PCDH11X: variants seen among roughly 807,000 people sequenced by gnomAD.
The protein encoded by PCDH11X is protocadherin-11 X-linked.
PCDH11X carries 18 observed loss-of-function variants against 53.3 expected under a neutral mutation model. The ratio of observed to expected loss-of-function variants is 0.34; its 90% CI spans 0.23 to 0.50. The LOEUF is 0.50. Ranked by LOEUF, PCDH11X falls within the 20% of genes least tolerant of loss-of-function variation. The probability of loss-of-function intolerance (pLI) is 0.98; values close to 1 mark genes in which losing one functional copy is unlikely to be tolerated. For synonymous variants in PCDH11X, 279 were observed against 393.3 expected, an observed-to-expected ratio of 0.71 and a Z score of 3.44; for missense variants, 570 against 1,032.4, an observed-to-expected ratio of 0.55 and a Z score of 6.14.
At position 92,487,048 on chromosome X, in the gene PCDH11X, C is replaced by CTTTTTTTTTTTT. The variant is rs758641899; in HGVS notation, c.3367+18737_3367+18748dup. 1.3e-4 allele frequency among the ~76,000 whole-genome samples: 9 copies of CTTTTTTTTTTTT among 67,836 alleles called. 1 individual carries two copies. The highest frequency in any genetic ancestry group is 5.7e-4 in the African/African-American group (9 of 15,878). 58.9% of individuals were successfully genotyped at this position (67,836 alleles called of 115,157 possible). A position where few individuals can be genotyped will look rare whatever the true frequency, so the allele number is the denominator to read the frequency against. ...TTATTATCTCTGAGAAATATGCTTC[C>CTTTTTTTTTTTT]TTTTTTTTTTTTTTTTTTTTTTGAG... On this transcript the variant is annotated intron_variant, in intron 10 of 10. Coordinates refer to ENST00000682573, the MANE Select transcript of PCDH11X (RefSeq NM_032968.5).
chrX:92,476,130 G>A (rs1241979368), intron 10 of PCDH11X, among the ~76,000 whole-genome samples: 2 of 110,254 alleles, frequency 1.8e-5, no homozygotes, highest in African/African-American at 3.3e-5. Context: ...AGATCTGATG[G>A]TTTTATAAAG....
chrX:92,235,282 A>G (rs866741720), intron 7 of PCDH11X, among the ~76,000 whole-genome samples: 4 of 111,208 alleles, frequency 3.6e-5, no homozygotes, highest in Non-Finnish European at 3.8e-5. Context: ...GAGGCTTTGC[A>G]TGATTGGGTT....
intron 8 of PCDH11X, among the ~76,000 whole-genome samples, chrX:92,374,139 T>A (rs1390425742): frequency 9.2e-6 from 1 of 109,017 alleles, no homozygotes; most frequent in Non-Finnish European, 1.9e-5. Flanking sequence ...TTTCATATAG[T>A]CTTTATGTTG....
chrX:91,920,870 T>C (rs1941716206), intron 6 of PCDH11X, among the ~76,000 whole-genome samples: 1 of 110,556 alleles, frequency 9.0e-6, no homozygotes, highest in Non-Finnish European at 1.9e-5. Flanking sequence ...ATTAGCAGAC[T>C]CATAATTTTA....
intron 6 of PCDH11X, among the ~76,000 whole-genome samples, chrX:92,179,647 A>G (rs1272450083): frequency 8.9e-6 from 1 of 112,315 alleles, no homozygotes; most frequent in Non-Finnish European, 1.9e-5. Context: ...TTCTTTGCGT[A>G]TAATTTACTT....
At chrX:91,799,601 T>G (rs1935860862) in intron 1 of PCDH11X, among the ~76,000 whole-genome samples, 1 of 112,410 alleles carries the variant, frequency 8.9e-6, no homozygotes, top group African/African-American at 3.2e-5. Flanking sequence ...CTTGTCTGAC[T>G]GTGCAAGTGA....
chrX:92,481,300 C>A (rs201716720), intron 10 of PCDH11X, among the ~76,000 whole-genome samples: 2 of 65,499 alleles, frequency 3.1e-5, no homozygotes, highest in South Asian at 7.0e-4. Context: ...ACACACACAC[C>A]CCACACACAC....
chrX:91,989,996 G>C (rs1490178077), intron 6 of PCDH11X, among the ~76,000 whole-genome samples: 13 of 110,754 alleles, frequency 1.2e-4, no homozygotes, highest in Non-Finnish European at 1.9e-5. Flanking sequence ...TGTTCAAATA[G>C]ATTAAATATG....
chrX:92,151,806 TATTA>T (rs1444844325), intron 6 of PCDH11X, among the ~76,000 whole-genome samples: 1 of 111,526 alleles, frequency 9.0e-6, no homozygotes, highest in Non-Finnish European at 1.9e-5. Flanking sequence ...ACAATTATTT[TATTA>T]ATTCATTTAA....
chrX:92,264,900 CAAAT>C (rs1338693560), intron 8 of PCDH11X, among the ~76,000 whole-genome samples: 1 of 33,449 alleles, frequency 3.0e-5, no homozygotes, highest in African/African-American at 8.2e-5. Flanking sequence ...TTTTTTTTGT[CAAAT>C]AAAACAAATC....
In PCDH11X at chrX:92,329,220, T is replaced by C. The variant is rs757563671; in HGVS notation, c.3145-58515T>C. Among the ~76,000 whole-genome samples the C allele has an allele frequency of 1.9e-3, 210 of 111,505 alleles. 1 individual carries two copies. The highest frequency in any genetic ancestry group is 3.5e-3 in the Non-Finnish European group (183 of 52,976). On this transcript the variant is annotated intron_variant, in intron 8 of 10. Transcript: ENST00000682573. ...TCTCAATAGATGCGGAAGAATAATA[T>C]GACAAAATCTAACATTTACTTGTTA...
intron 1 of PCDH11X, among the ~76,000 whole-genome samples, chrX:91,781,075 G>C (rs890528491): frequency 1.8e-5 from 2 of 112,351 alleles, no homozygotes; most frequent in Non-Finnish European, 3.8e-5. Context: ...TGGGCTGGGG[G>C]CTGGGAATTG....
At chrX:92,352,313 C>T (rs2070072036) in intron 8 of PCDH11X, among the ~76,000 whole-genome samples, 1 of 111,678 alleles carries the variant, frequency 9.0e-6, no homozygotes, top group African/African-American at 3.3e-5. Flanking sequence ...GTTGCTATTC[C>T]TTCAACATAT....
chrX:92,219,478 T>C (rs2148351247), intron 7 of PCDH11X, among the ~76,000 whole-genome samples: 1 of 110,192 alleles, frequency 9.1e-6, no homozygotes, highest in African/African-American at 3.3e-5. Context: ...TACCTAGGAA[T>C]CCAACTTACA....
At chrX:91,958,273 G>A (rs2061736458) in intron 6 of PCDH11X, among the ~76,000 whole-genome samples, 1 of 112,155 alleles carries the variant, frequency 8.9e-6, no homozygotes, top group African/African-American at 3.2e-5. Flanking sequence ...GTAACAGGAA[G>A]TGGGGCACAC....
intron 5 of PCDH11X, among the ~76,000 whole-genome samples, chrX:91,845,247 G>T (rs919295543): frequency 1.8e-5 from 2 of 110,320 alleles, no homozygotes; most frequent in African/African-American, 6.8e-5. Flanking sequence ...AATATAATAA[G>T]ATTCTGATGC....
intron 10 of PCDH11X, among the ~76,000 whole-genome samples, chrX:92,553,641 A>G (rs1350637641): frequency 9.1e-6 from 1 of 109,822 alleles, no homozygotes; most frequent in Non-Finnish European, 1.9e-5. Context: ...TAGTTCTTTA[A>G]GACGCATCAT....
At chrX:92,098,537 CA>C (rs1438961636) in intron 6 of PCDH11X, among the ~76,000 whole-genome samples, 1 of 110,643 alleles carries the variant, frequency 9.0e-6, no homozygotes, top group African/African-American at 3.3e-5. Flanking sequence ...GCTAAAATCT[CA>C]TCCATGGTTA....
At chrX:91,945,068 T>TATATATATATATATATATATA (rs61515084) in intron 6 of PCDH11X, among the ~76,000 whole-genome samples, 14 of 89,988 alleles carry the variant, frequency 1.6e-4, no homozygotes, top group East Asian at 4.1e-4. Context: ...TATATATATA[T>TATATATATATATATATATATA]TCTTAAATGT....
Sources: gnomAD v4.1 joint callset for allele counts (sites outside exome capture counted in the v4.1 genomes callset) on GRCh38, gnomAD v4.1.1 for gene constraint, MANE v1.5 for transcripts, NCBI Gene and HGNC (gene_info 2026-07-23, HGNC 2026-07-21) for gene names.